Variants in CNTN5 observed in about 807,000 individuals in gnomAD.
CNTN5 encodes the protein contactin-5.
A neutral mutation model predicts 129.1 loss-of-function variants in CNTN5; 77 were observed. The observed-to-expected ratio is 0.60, with a 90% CI of 0.50 to 0.72. The LOEUF (loss-of-function observed/expected upper bound fraction) is 0.72. CNTN5 is among the 30% of genes least tolerant of loss of function. CNTN5 has a pLI of 0.00. For missense variants in CNTN5, 1,478 were observed against 1,328.8 expected (o/e 1.11, Z -1.75); for synonymous variants, 509 against 465.6 (o/e 1.09, Z -1.20).
intron 17 of CNTN5, among the ~76,000 whole-genome samples, chr11:100,259,612 A>T (rs1950154449): frequency 6.6e-6 from 1 of 152,222 alleles, no homozygotes; most frequent in African/African-American, 2.4e-5. Context: ...ACCACAGTGC[A>T]ATCAAACTAG....
intron 3 of CNTN5, among the ~76,000 whole-genome samples, chr11:99,746,430 T>G (rs1006944842): frequency 6.6e-6 from 1 of 152,210 alleles, no homozygotes; most frequent in South Asian, 2.1e-4. Context: ...CTAGTCTACA[T>G]GAAGGGTCCT....
intron 15 of CNTN5, among the ~76,000 whole-genome samples, chr11:100,199,949 T>TA (rs1948737321): frequency 6.6e-6 from 1 of 152,068 alleles, no homozygotes; most frequent in Non-Finnish European, 1.5e-5. Flanking sequence ...GCGTTTTCTC[T>TA]GCTTAGCCAA....
At chr11:99,349,426 A>AT (rs576645165) in intron 2 of CNTN5, among the ~76,000 whole-genome samples, 61 of 152,232 alleles carry the variant, frequency 4.0e-4, no homozygotes, top group African/African-American at 1.3e-3. Context: ...TTTATGACAG[A>AT]TTTTTTTCCC....
rs565342676 is a variant in CNTN5, at chr11:100,086,690, G to T, written c.1580+12396G>T. On this transcript the variant is annotated intron_variant, in intron 13 of 24. Transcript: ENST00000524871. The stretch of plus-strand genomic sequence containing the variant: ...ATTATATGTAAGAGCTTTGTTTTAA[G>T]CAAAAATAAATAGCAAAGTTGAAAG... Among the ~76,000 whole-genome samples the T allele has an allele frequency of 2.6e-5, 4 of 151,292 alleles. No individual in the cohort carries two copies. In the South Asian group the frequency reaches 8.3e-4, roughly 32 times the overall value.
At chr11:99,502,376 G>A (rs750133923) in intron 2 of CNTN5, among the ~76,000 whole-genome samples, 15 of 152,102 alleles carry the variant, frequency 9.9e-5, no homozygotes, top group Non-Finnish European at 2.2e-4. Flanking sequence ...ATCCACAAGT[G>A]TCAAGGGAGG....
intron 1 of CNTN5, among the ~76,000 whole-genome samples, chr11:99,034,179 T>C (rs1280415731): frequency 6.6e-6 from 1 of 152,214 alleles, no homozygotes; most frequent in Non-Finnish European, 1.5e-5. Flanking sequence ...GCCAGTATTT[T>C]ATTGAGGATT....
At chr11:99,469,929 A>G (rs1591115726) in intron 2 of CNTN5, among the ~76,000 whole-genome samples, 2 of 152,280 alleles carry the variant, frequency 1.3e-5, no homozygotes, top group Non-Finnish European at 2.9e-5. Flanking sequence ...AAGAACTACA[A>G]TTTAATGAGT....
intron 2 of CNTN5, among the ~76,000 whole-genome samples, chr11:99,349,319 C>G (rs1938125657): frequency 1.3e-5 from 2 of 152,066 alleles, no homozygotes; most frequent in South Asian, 4.2e-4. Context: ...AATTTTTTTC[C>G]TGGCCGTCTG....
intron 2 of CNTN5, among the ~76,000 whole-genome samples, chr11:99,510,593 G>T (rs1009237738): frequency 1.8e-4 from 28 of 152,058 alleles, no homozygotes; most frequent in Non-Finnish European, 3.7e-4. Context: ...CAATGTTTTG[G>T]TCAATAATGG....
intron 15 of CNTN5, 118 bp from the exon 16 acceptor site, chr11:100,224,574 A>G (rs1306424838): frequency 1.2e-6 from 1 of 847,230 alleles, no homozygotes; most frequent in East Asian, 2.5e-5. Context: ...AATTGTTGTT[A>G]GATAAACTGT....
At chr11:99,952,060 T>G (rs1033298638) in intron 7 of CNTN5, among the ~76,000 whole-genome samples, 2 of 152,196 alleles carry the variant, frequency 1.3e-5, no homozygotes, top group African/African-American at 4.8e-5. Context: ...ACATGGCTAA[T>G]AGTGACTTTT....
At chr11:99,751,410 A>C (rs1247813486) in intron 3 of CNTN5, among the ~76,000 whole-genome samples, 1 of 152,190 alleles carries the variant, frequency 6.6e-6, no homozygotes, top group Non-Finnish European at 1.5e-5. Context: ...TGACTGAACA[A>C]CTTAGTTCCC....
At chr11:99,490,099 G>A (rs1460410198) in intron 2 of CNTN5, among the ~76,000 whole-genome samples, 1 of 152,010 alleles carries the variant, frequency 6.6e-6, no homozygotes. Flanking sequence ...GAATTACTAA[G>A]TTTTATTTCA....
At chr11:99,949,957 G>T (rs1484838790) in intron 7 of CNTN5, among the ~76,000 whole-genome samples, 1 of 151,846 alleles carries the variant, frequency 6.6e-6, no homozygotes, top group East Asian at 1.9e-4. Flanking sequence ...TTCCTGTCTT[G>T]GTGACATAAT....
intron 2 of CNTN5, among the ~76,000 whole-genome samples, chr11:99,466,950 T>C (rs1044546780): frequency 1.5e-4 from 23 of 152,162 alleles, no homozygotes; most frequent in African/African-American, 5.6e-4. Context: ...AAATGGGAGA[T>C]ACAGATTTCC....
At chr11:99,278,952 A>C (rs1417803529) in intron 1 of CNTN5, among the ~76,000 whole-genome samples, 1 of 151,680 alleles carries the variant, frequency 6.6e-6, no homozygotes, top group African/African-American at 2.4e-5. Context: ...CCATTCCTAA[A>C]CTTGCCTCAG....
chr11:99,908,832 T>C (rs1027287940), intron 6 of CNTN5, among the ~76,000 whole-genome samples: 5 of 152,128 alleles, frequency 3.3e-5, no homozygotes, highest in Non-Finnish European at 7.4e-5. Flanking sequence ...TAATTAAAAG[T>C]GTCTTTTTCA....
intron 1 of CNTN5, among the ~76,000 whole-genome samples, chr11:99,058,714 T>G (rs1163447975): frequency 6.6e-6 from 1 of 151,756 alleles, no homozygotes; most frequent in African/African-American, 2.4e-5. Flanking sequence ...AGGTTCCTTT[T>G]TCTGCCCAAA....
At chr11:100,262,215 T>A (rs1950214697) in intron 17 of CNTN5, among the ~76,000 whole-genome samples, 1 of 152,128 alleles carries the variant, frequency 6.6e-6, no homozygotes, top group South Asian at 2.1e-4. Flanking sequence ...TCACTGGTCA[T>A]TAGGGAAATG....
Sources: allele counts gnomAD v4.1 joint callset (sites outside exome capture counted in the v4.1 genomes callset), GRCh38; gene constraint gnomAD v4.1.1; transcripts MANE v1.5; gene names NCBI Gene and HGNC (gene_info 2026-07-23, HGNC 2026-07-21).